LRRIQ3: variants seen among roughly 807,000 people sequenced by gnomAD.
LRRIQ3 encodes leucine rich repeats and IQ motif containing 3.
LRRIQ3 carries 75 observed loss-of-function variants against 59.3 expected under a neutral mutation model. The ratio of observed to expected loss-of-function variants is 1.26; its 90% confidence interval spans 1.05 to 1.53. The LOEUF (loss-of-function observed/expected upper bound fraction) is 1.53, where lower values mean the gene tolerates loss of function less well. Ranked by LOEUF, LRRIQ3 falls within the 40% of genes most tolerant of loss-of-function variation. The probability of loss-of-function intolerance (pLI) is 0.00; values close to 1 mark genes in which losing one functional copy is unlikely to be tolerated. For synonymous variants in LRRIQ3, 250 were observed against 231.3 expected (o/e 1.08, Z -0.73); for missense variants, 831 against 710.0 (o/e 1.17, Z -1.94).
chr1:74,067,812 A>G (rs963161221), intron 6 of LRRIQ3, among the ~76,000 whole-genome samples: 3 of 152,100 alleles, frequency 2.0e-5, no homozygotes, highest in Non-Finnish European at 4.4e-5. Context: ...TGTCTAAAAG[A>G]CTTGTTAAAT....
intron 5 of LRRIQ3, among the ~76,000 whole-genome samples, chr1:74,094,457 C>G (rs1057135636): frequency 7.2e-5 from 11 of 151,882 alleles, no homozygotes; most frequent in Admixed American, 5.3e-4. Context: ...AGGTAGGGGT[C>G]ACAAGCCACA....
intron 6 of LRRIQ3, among the ~76,000 whole-genome samples, chr1:74,052,193 A>G (rs921328879): frequency 1.3e-5 from 2 of 152,106 alleles, no homozygotes; most frequent in Non-Finnish European, 1.5e-5. Flanking sequence ...CGCTGACTAC[A>G]TAAGTCTTAC....
At chr1:74,037,055 C>T (rs1653894279) in intron 7 of LRRIQ3, among the ~76,000 whole-genome samples, 1 of 152,152 alleles carries the variant, frequency 6.6e-6, no homozygotes, top group Non-Finnish European at 1.5e-5. Flanking sequence ...GCACTCTCTT[C>T]TCAGTGGTTG....
At chr1:74,090,134 G>T (rs1646378978) in intron 5 of LRRIQ3, among the ~76,000 whole-genome samples, 1 of 151,922 alleles carries the variant, frequency 6.6e-6, no homozygotes, top group Non-Finnish European at 1.5e-5. Flanking sequence ...CTAAAATGCA[G>T]AAAACAACAT....
chr1:74,192,356 C>T (rs1650821481), intron 1 of LRRIQ3, among the ~76,000 whole-genome samples: 1 of 152,080 alleles, frequency 6.6e-6, no homozygotes. Context: ...GTAAGCATAG[C>T]ACCCAACAGG....
chr1:74,050,408 CAACTT>C (rs566899247), intron 6 of LRRIQ3: 253 of 503,052 alleles, frequency 5.0e-4, no homozygotes, highest in African/African-American at 2.2e-3. Flanking sequence ...ATGTACCTCT[CAACTT>C]AAGAGCAAAA....
intron 3 of LRRIQ3, chr1:74,181,736 A>T (rs988611065): frequency 6.6e-6 from 1 of 151,852 alleles, no homozygotes; most frequent in African/African-American, 2.4e-5. Flanking sequence ...TAATTAAAAA[A>T]ATTATATGCA....
rs761718769 is a variant in LRRIQ3 at position 74,041,277 on chromosome 1, CAAT to C, written c.1651_1653del (p.Ile551del). On this transcript the variant is annotated inframe_deletion, in exon 7 of 8. Transcript: ENST00000354431. ...TTTTCTGCTTTTAGTTTTTGCTTAA[CAAT>C]CAGGCTTTTCTCTTTTAGGACAGCC... is the stretch of plus-strand genomic sequence containing the variant. 6 of 1,604,108 alleles carry C rather than the reference CAAT, an allele frequency of 3.7e-6. No individual in the cohort carries two copies. Among genetic ancestry groups the C allele is most frequent in the Non-Finnish European group, 5.1e-6 (6 of 1,177,558 alleles).
intron 5 of LRRIQ3, among the ~76,000 whole-genome samples, chr1:74,103,566 T>C (rs1388976347): frequency 2.0e-5 from 3 of 152,068 alleles, no homozygotes; most frequent in African/African-American, 4.8e-5. Context: ...ATGACATAAA[T>C]TGACCCCCAA....
chr1:74,071,497 C>T (rs546229154), intron 6 of LRRIQ3, among the ~76,000 whole-genome samples: 54 of 152,174 alleles, frequency 3.5e-4, no homozygotes, highest in African/African-American at 1.3e-3. Flanking sequence ...TTTGTTTTTC[C>T]AAGTCAGAAG....
intron 4 of LRRIQ3, among the ~76,000 whole-genome samples, chr1:74,132,656 G>T (rs1486945529): frequency 6.6e-6 from 1 of 152,116 alleles, no homozygotes; most frequent in Non-Finnish European, 1.5e-5. Context: ...AAACTGGCTA[G>T]CCATATGTAG....
intron 6 of LRRIQ3, among the ~76,000 whole-genome samples, chr1:74,073,110 C>CTTAA (rs1283396345): frequency 6.6e-6 from 1 of 152,114 alleles, no homozygotes; most frequent in Non-Finnish European, 1.5e-5. Context: ...TCACTCTTAA[C>CTTAA]CTTCTCCAAC....
intron 4 of LRRIQ3, among the ~76,000 whole-genome samples, chr1:74,118,151 A>G (rs557369675): frequency 6.6e-6 from 1 of 152,254 alleles, no homozygotes; most frequent in East Asian, 1.9e-4. Flanking sequence ...ACTCACATGT[A>G]TATGTACACA....
At chr1:74,103,787 T>TC (rs545705860) in intron 5 of LRRIQ3, among the ~76,000 whole-genome samples, 13,272 of 134,604 alleles carry the variant, frequency 0.099, 581 homozygotes, top group South Asian at 0.12. Context: ...CCTCTGTCCT[T>TC]CCCCCCCCCG....
intron 5 of LRRIQ3, among the ~76,000 whole-genome samples, chr1:74,088,046 T>C (rs932846580): frequency 4.6e-5 from 7 of 151,992 alleles, no homozygotes; most frequent in African/African-American, 7.2e-5. Context: ...TGAGTGGAGA[T>C]TGCGCCACTG....
intron 7 of LRRIQ3, among the ~76,000 whole-genome samples, chr1:74,039,901 GCAT>G: frequency 6.6e-6 from 1 of 152,174 alleles, no homozygotes; most frequent in Middle Eastern, 3.4e-3. Context: ...TAACCAGATA[GCAT>G]CATGATGACA....
chr1:74,072,507 T>A (rs575729928), intron 6 of LRRIQ3, among the ~76,000 whole-genome samples: 120 of 151,740 alleles, frequency 7.9e-4, no homozygotes, highest in East Asian at 1.8e-3. Flanking sequence ...ATATATATAT[T>A]TTTTAATTGA....
chr1:74,067,543 C>T (rs1374098501), intron 6 of LRRIQ3, among the ~76,000 whole-genome samples: 1 of 152,104 alleles, frequency 6.6e-6, no homozygotes, highest in African/African-American at 2.4e-5. Context: ...CTAAAATTCT[C>T]TGGTAATCCT....
intron 6 of LRRIQ3, among the ~76,000 whole-genome samples, chr1:74,053,814 A>G (rs1367054258): frequency 6.6e-6 from 1 of 152,208 alleles, no homozygotes; most frequent in African/African-American, 2.4e-5. Context: ...TAACTTCATA[A>G]GATAACACTA....
Sources: allele counts gnomAD v4.1 joint callset (sites outside exome capture counted in the v4.1 genomes callset), GRCh38; gene constraint gnomAD v4.1.1; transcripts MANE v1.5; gene names NCBI Gene and HGNC (gene_info 2026-07-23, HGNC 2026-07-21).